TBC1D4: variants seen among roughly 807,000 people sequenced by gnomAD.
TBC1D4 encodes the protein TBC1 domain family member 4.
In TBC1D4, 121 loss-of-function variants were observed where a neutral mutation model predicts 142.5. The ratio of observed to expected loss-of-function variants is 0.85; its 90% CI spans 0.73 to 0.99. The LOEUF is 0.99. Ranked by LOEUF, TBC1D4 falls within the 50% of genes least tolerant of loss-of-function variation. The pLI is 0.00. For missense variants in TBC1D4, 1,475 were observed against 1,606.6 expected (o/e 0.92, Z 1.40); for synonymous variants, 630 against 628.2 (o/e 1.00, Z -0.04).
chr13:75,430,588 G>A (rs537762578), intron 1 of TBC1D4, among the ~76,000 whole-genome samples: 2 of 152,324 alleles, frequency 1.3e-5, no homozygotes, highest in East Asian at 1.9e-4. Flanking sequence ...CTTGTTAAGC[G>A]TCGTTGCTAT....
chr13:75,435,505 A>G (rs1886764170), intron 1 of TBC1D4, among the ~76,000 whole-genome samples: 1 of 152,234 alleles, frequency 6.6e-6, no homozygotes, highest in Admixed American at 6.5e-5. Context: ...AATATTAGAT[A>G]TTGAAATGCT....
chr13:75,348,993 GTGTC>G (rs1389603434), intron 5 of TBC1D4, among the ~76,000 whole-genome samples, 173 bp downstream of exon 5: 5 of 142,796 alleles, frequency 3.5e-5, no homozygotes, highest in African/African-American at 1.3e-4. Flanking sequence ...GTGTGTGTGT[GTGTC>G]AAGCACCTAG....
chr13:75,339,636 C>T (rs1451367554), intron 7 of TBC1D4, among the ~76,000 whole-genome samples: 2 of 151,774 alleles, frequency 1.3e-5, no homozygotes, highest in Non-Finnish European at 2.9e-5. Flanking sequence ...AGTGCAATGG[C>T]ATGATCTTGG....
intron 9 of TBC1D4, among the ~76,000 whole-genome samples, chr13:75,326,980 TTTCTATTCAATTACATG>T (rs1431244846): frequency 1.3e-5 from 2 of 152,184 alleles, no homozygotes; most frequent in African/African-American, 4.8e-5. Context: ...ACCGTGGATG[TTTCTATTCAATTACATG>T]TTCCCTGAGG....
chr13:75,324,094 C>T (rs2137997590), intron 11 of TBC1D4, 143 bp downstream of exon 11: 1 of 948,404 alleles, frequency 1.1e-6, no homozygotes, highest in Admixed American at 2.3e-5. Flanking sequence ...GGGATTGAAA[C>T]CAATATATTA....
chr13:75,361,124 T>C (rs1882467656), intron 2 of TBC1D4, among the ~76,000 whole-genome samples: 1 of 152,200 alleles, frequency 6.6e-6, no homozygotes, highest in African/African-American at 2.4e-5. Flanking sequence ...CATTCAAAAA[T>C]GTTTAGAATT....
chr13:75,303,833 T>A (rs2137897738), intron 15 of TBC1D4, among the ~76,000 whole-genome samples: 1 of 152,274 alleles, frequency 6.6e-6, no homozygotes, highest in African/African-American at 2.4e-5. Flanking sequence ...TATTTTCACT[T>A]CTCCAGTTTC....
intron 1 of TBC1D4, among the ~76,000 whole-genome samples, chr13:75,478,652 A>G (rs1888713225): frequency 6.6e-6 from 1 of 152,204 alleles, no homozygotes; most frequent in Admixed American, 6.5e-5. Context: ...ACTCTGCATG[A>G]AGCATACTGC....
At chr13:75,455,124 T>C (rs1337753493) in intron 1 of TBC1D4, among the ~76,000 whole-genome samples, 2 of 152,154 alleles carry the variant, frequency 1.3e-5, no homozygotes, top group Non-Finnish European at 2.9e-5. Context: ...TCTTTCCAAC[T>C]ACACAGCTCA....
chr13:75,401,374 T>C (rs1441155445), intron 1 of TBC1D4, among the ~76,000 whole-genome samples: 2 of 152,170 alleles, frequency 1.3e-5, no homozygotes, highest in Admixed American at 6.5e-5. Context: ...GTAAGAACTG[T>C]TTTTGCATCA....
intron 1 of TBC1D4, among the ~76,000 whole-genome samples, chr13:75,459,015 CTT>C (rs940649731): frequency 2.0e-5 from 3 of 152,160 alleles, no homozygotes; most frequent in African/African-American, 7.2e-5. Context: ...ACTACTCTCT[CTT>C]GTCGCAATCT....
chr13:75,481,205 T>TCCCCCCCCCCCCCCA, intron 1 of TBC1D4, 65 bp downstream of exon 1: 1 of 710,732 alleles, frequency 1.4e-6, no homozygotes, highest in Non-Finnish European at 2.2e-6. Flanking sequence ...TCCCCGCCCC[T>TCCCCCCCCCCCCCCA]CCCGCCCTGC....
intron 1 of TBC1D4, among the ~76,000 whole-genome samples, chr13:75,477,026 C>T (rs1042121088): frequency 4.6e-5 from 7 of 152,066 alleles, no homozygotes; most frequent in Admixed American, 2.6e-4. Context: ...TGTGCCTTTC[C>T]GCCAGATATT....
At chr13:75,461,893 ACAG>A (rs1200373927) in intron 1 of TBC1D4, among the ~76,000 whole-genome samples, 4 of 152,228 alleles carry the variant, frequency 2.6e-5, no homozygotes, top group Non-Finnish European at 4.4e-5. Flanking sequence ...TACTATCTCT[ACAG>A]CTTCACTTCA....
At chr13:75,295,576 A>G (rs1875828702) in intron 17 of TBC1D4, among the ~76,000 whole-genome samples, 1 of 152,206 alleles carries the variant, frequency 6.6e-6, no homozygotes, top group Admixed American at 6.5e-5. Flanking sequence ...TTCCAGCAGC[A>G]TATTTTTCAT....
At chr13:75,349,792 A>T (rs746826152) in intron 4 of TBC1D4, among the ~76,000 whole-genome samples, 1 of 152,220 alleles carries the variant, frequency 6.6e-6, no homozygotes, top group Non-Finnish European at 1.5e-5. Context: ...GATAAAAATG[A>T]GTTCCATTTA....
At position 75,429,227 on chromosome 13, in the gene TBC1D4, T is replaced by A. The variant is rs371270963; in HGVS notation, c.498+52043A>T. ...ACAAAGGAAAGAAAGTTAATTGTCTTACCCTAATCTAAAAAATAAGTCAAT... is the reference window on the plus strand; with the variant it reads ...ACAAAGGAAAGAAAGTTAATTGTCTAACCCTAATCTAAAAAATAAGTCAAT... On this transcript the variant is annotated intron_variant, in intron 1 of 20. Transcript: ENST00000377636. Among the ~76,000 whole-genome samples, 6 of 152,226 alleles carry A rather than the reference T, an allele frequency of 3.9e-5. No homozygotes were observed. The East Asian group carries it at 1.2e-3, about 29-fold the overall frequency.
At chr13:75,407,496 A>G (rs1276782517) in intron 1 of TBC1D4, among the ~76,000 whole-genome samples, 1 of 152,252 alleles carries the variant, frequency 6.6e-6, no homozygotes, top group Non-Finnish European at 1.5e-5. Flanking sequence ...AAACCCATGG[A>G]CAACATTTAC....
At chr13:75,458,590 A>C (rs562301593) in intron 1 of TBC1D4, among the ~76,000 whole-genome samples, 397 of 152,310 alleles carry the variant, frequency 2.6e-3, no homozygotes, top group Non-Finnish European at 3.9e-3. Context: ...CCTGCATCCT[A>C]TCTGTATCAT....
Sources: allele counts gnomAD v4.1 joint callset (sites outside exome capture counted in the v4.1 genomes callset), GRCh38; gene constraint gnomAD v4.1.1; transcripts MANE v1.5; gene names NCBI Gene and HGNC (gene_info 2026-07-23, HGNC 2026-07-21).